Variants in FOXN3 observed in about 807,000 individuals in gnomAD.
FOXN3 encodes the protein forkhead box protein N3.
FOXN3 carries 7 observed loss-of-function variants against 38.4 expected under a neutral mutation model. That is an observed-to-expected ratio of 0.18 (90% CI 0.10 to 0.34). FOXN3 has a LOEUF of 0.34. FOXN3 is among the 10% of genes least tolerant of loss of function. The pLI is 1.00. For synonymous variants in FOXN3, 230 were observed against 242.2 expected, an observed-to-expected ratio of 0.95 and a Z score of 0.47; for missense variants, 456 against 613.4, an observed-to-expected ratio of 0.74 and a Z score of 2.71.
At chr14:89,197,064 T>C (rs1368468883) in intron 4 of FOXN3, among the ~76,000 whole-genome samples, 1 of 152,224 alleles carries the variant, frequency 6.6e-6, no homozygotes, top group East Asian at 1.9e-4. Context: ...ATGTGTTTTG[T>C]TTCTCCAGCT....
chr14:89,421,684 G>A (rs889970066), upstream of FOXN3, among the ~76,000 whole-genome samples: 8 of 149,814 alleles, frequency 5.3e-5, no homozygotes, highest in South Asian at 4.3e-4. Context: ...GCACCACCAC[G>A]CACGGCTAAT....
At chr14:89,426,265 C>T (rs1459005929) in intron 1 of FOXN3, among the ~76,000 whole-genome samples, 1 of 133,658 alleles carries the variant, frequency 7.5e-6, no homozygotes, top group African/African-American at 2.8e-5. Context: ...GCTCTTGTCA[C>T]CCAGGGTGGA....
chr14:89,558,413 G>C (rs1415929891), intron 1 of FOXN3, among the ~76,000 whole-genome samples: 1 of 152,190 alleles, frequency 6.6e-6, no homozygotes, highest in Non-Finnish European at 1.5e-5. Flanking sequence ...GGGCAAGCAG[G>C]ACCCCACCTG....
intron 4 of FOXN3, among the ~76,000 whole-genome samples, chr14:89,203,610 A>C (rs7153598): frequency 0.77 from 117,561 of 152,122 alleles, 45,782 homozygotes; most frequent in African/African-American, 0.88. Context: ...CAGAGTGTTT[A>C]AGGAAGCGGG....
intron 1 of FOXN3, among the ~76,000 whole-genome samples, chr14:89,527,759 T>C (rs1307889437): frequency 6.6e-6 from 1 of 151,020 alleles, no homozygotes; most frequent in East Asian, 1.9e-4. Flanking sequence ...TGGAGTGCAG[T>C]GGTGTGATCT....
At chr14:89,509,589 C>T (rs1425550254) in intron 1 of FOXN3, among the ~76,000 whole-genome samples, 1 of 152,218 alleles carries the variant, frequency 6.6e-6, no homozygotes, top group African/African-American at 2.4e-5. Flanking sequence ...CCCGCCTCGG[C>T]CTCCCAAAGT....
chr14:89,210,376 A>G (rs1333540418), intron 4 of FOXN3, among the ~76,000 whole-genome samples: 1 of 152,200 alleles, frequency 6.6e-6, no homozygotes, highest in African/African-American at 2.4e-5. Flanking sequence ...CCTCCCCAGA[A>G]GCTGAGCACG....
intron 4 of FOXN3, among the ~76,000 whole-genome samples, chr14:89,266,659 C>T (rs186700413): frequency 5.3e-5 from 8 of 152,246 alleles, no homozygotes; most frequent in Non-Finnish European, 1.0e-4. Flanking sequence ...ACAGAAGTAA[C>T]GGGATAACCA....
chr14:89,522,380 G>A (rs1372158155), intron 1 of FOXN3, among the ~76,000 whole-genome samples: 2 of 152,126 alleles, frequency 1.3e-5, no homozygotes, highest in African/African-American at 2.4e-5. Flanking sequence ...AGTCCTTCAG[G>A]CAGAGAGACA....
intron 1 of FOXN3, among the ~76,000 whole-genome samples, chr14:89,432,981 C>T (rs1175024015): frequency 6.6e-6 from 1 of 152,172 alleles, no homozygotes; most frequent in Non-Finnish European, 1.5e-5. Flanking sequence ...GAGCACCTGG[C>T]CTGCATAGCA....
At chr14:89,308,171 A>G (rs1035970439) in intron 3 of FOXN3, among the ~76,000 whole-genome samples, 12 of 152,198 alleles carry the variant, frequency 7.9e-5, no homozygotes, top group Non-Finnish European at 1.5e-4. Flanking sequence ...AGGCTGAGGC[A>G]CGAGAATCAT....
chr14:89,162,450 C>T lies in FOXN3; in HGVS notation c.1371G>A (p.Lys457=). 1 of 1,589,308 alleles carries T rather than the reference C, an allele frequency of 6.3e-7. No homozygotes were observed. Among genetic ancestry groups the T allele is most frequent in the Non-Finnish European group, 8.6e-7 (1 of 1,168,312 alleles). ...CLNNITNRTA[K]GQKEQKETTK... ...TGGTTTCCTTTTGCTCTTTCTGCCCCTTTGCCGTCCGATTGGTGATGTTAT... is the reference window on the plus strand; with the variant it reads ...TGGTTTCCTTTTGCTCTTTCTGCCCTTTTGCCGTCCGATTGGTGATGTTAT... Residue 457 remains lysine (K), a synonymous_variant, in exon 6 of 6, where the codon AAG becomes AAA. Coordinates refer to ENST00000557258, the MANE Select transcript of FOXN3 (RefSeq NM_005197.4). This position sits in a 1 kb window ranked among gnomAD's most constrained non-coding sequence, Gnocchi z 7.2.
intron 4 of FOXN3, among the ~76,000 whole-genome samples, chr14:89,225,197 T>C (rs1884596011): frequency 6.6e-6 from 1 of 150,860 alleles, no homozygotes; most frequent in South Asian, 2.1e-4. Context: ...CCCAGCTACC[T>C]GGGAGGCTGA....
intron 3 of FOXN3, among the ~76,000 whole-genome samples, chr14:89,297,539 A>G (rs185639191): frequency 0.011 from 1,711 of 151,562 alleles, 27 homozygotes; most frequent in African/African-American, 0.039. Context: ...CAGCCTGGGC[A>G]ACAGAGCAAG....
At chr14:89,536,420 C>A (rs1344967904) in intron 1 of FOXN3, among the ~76,000 whole-genome samples, 3 of 152,116 alleles carry the variant, frequency 2.0e-5, no homozygotes, top group Non-Finnish European at 2.9e-5. Flanking sequence ...CCCAAAGAAA[C>A]CCATAAGCAA....
At chr14:89,494,945 A>G (rs934009477) in intron 1 of FOXN3, among the ~76,000 whole-genome samples, 4 of 152,202 alleles carry the variant, frequency 2.6e-5, no homozygotes, top group African/African-American at 9.6e-5. Flanking sequence ...CTTCAAGTTC[A>G]TATCTCTGTC....
intron 4 of FOXN3, among the ~76,000 whole-genome samples, chr14:89,182,856 T>G (rs1311020977): frequency 6.6e-6 from 1 of 152,118 alleles, no homozygotes; most frequent in African/African-American, 2.4e-5. Flanking sequence ...ACAAGGGTAC[T>G]GAGATAATGC....
Position 89,452,939 on chromosome 14 carries a change from C to T in FOXN3, c.-14-40449G>A, listed in dbSNP as rs549437041. Among the ~76,000 whole-genome samples the T allele has an allele frequency of 2.5e-3, 386 of 152,320 alleles. 3 individuals carry two copies. Among genetic ancestry groups the T allele is most frequent in the African/African-American group, 9.0e-3 (373 of 41,564 alleles). ...AAAGGCCGGGCACGGCAGCTCACGCCAGTAATCCCAGCACTTTGGAAGGCC... is the reference window on the plus strand; with the variant it reads ...AAAGGCCGGGCACGGCAGCTCACGCTAGTAATCCCAGCACTTTGGAAGGCC... On this transcript the variant is annotated intron_variant, in intron 1 of 6. Coordinates refer to the FOXN3 transcript ENST00000345097.
At chr14:89,346,033 C>A (rs181519220) in intron 3 of FOXN3, among the ~76,000 whole-genome samples, 1 of 152,328 alleles carries the variant, frequency 6.6e-6, no homozygotes, top group East Asian at 1.9e-4. Flanking sequence ...AGCCTGGCGA[C>A]AGAGTGAGAC....
Sources: allele counts gnomAD v4.1 joint callset (sites outside exome capture counted in the v4.1 genomes callset), GRCh38; gene constraint gnomAD v4.1.1; non-coding constraint Gnocchi (gnomAD v3.1); transcripts MANE v1.5; gene names NCBI Gene and HGNC (gene_info 2026-07-23, HGNC 2026-07-21).